NBEA: variants seen among roughly 807,000 people sequenced by gnomAD.
NBEA encodes lysosomal-trafficking regulator 2.
NBEA carries 44 observed loss-of-function variants against 343.4 expected under a neutral mutation model. The ratio of observed to expected loss-of-function variants is 0.13; its 90% CI spans 0.10 to 0.16. NBEA has a LOEUF of 0.16. Ranked by LOEUF, NBEA falls within the 10% of genes least tolerant of loss-of-function variation. NBEA has a pLI of 1.00. For missense variants in NBEA, 2,555 were observed against 3,631.3 expected, an observed-to-expected ratio of 0.70 and a Z score of 7.62; for synonymous variants, 1,175 against 1,238.7, an observed-to-expected ratio of 0.95 and a Z score of 1.08.
intron 23 of NBEA, among the ~76,000 whole-genome samples, chr13:35,162,638 C>T (rs117750111): frequency 0.03 from 4,485 of 151,830 alleles, 75 homozygotes; most frequent in South Asian, 0.055. Flanking sequence ...AAAGGAAGCC[C>T]GTCAAGAAAT....
intron 49 of NBEA, among the ~76,000 whole-genome samples, chr13:35,643,037 T>A (rs1354845683): frequency 6.6e-6 from 1 of 151,934 alleles, no homozygotes; most frequent in Non-Finnish European, 1.5e-5. Context: ...AGAATTTTTT[T>A]AATGACATTT....
intron 40 of NBEA, among the ~76,000 whole-genome samples, chr13:35,463,298 G>T (rs1056276554): frequency 6.6e-6 from 1 of 152,160 alleles, no homozygotes; most frequent in Admixed American, 6.5e-5. Context: ...AAACTCTATA[G>T]TTAAATATGT....
intron 54 of NBEA, 112 bp downstream of exon 54, chr13:35,655,122 T>G (rs558732461): frequency 2.5e-6 from 2 of 796,084 alleles, no homozygotes; most frequent in East Asian, 3.3e-5. Flanking sequence ...CCAACTTGAG[T>G]AGTCAAGATT....
chr13:35,664,092 C>A (rs549614796), intron 55 of NBEA, among the ~76,000 whole-genome samples: 2 of 152,300 alleles, frequency 1.3e-5, no homozygotes, highest in Admixed American at 1.3e-4. Flanking sequence ...CATGAACTCT[C>A]TGTGGCTTCC....
rs576106420 is a variant in NBEA at position 35,489,086 on chromosome 13, T to C, written c.6585+16550T>C. 2.6e-5 allele frequency among the ~76,000 whole-genome samples: 4 copies of C among 151,988 alleles called. No homozygotes were observed. The South Asian group carries it at 8.3e-4, about 31-fold the overall frequency. On this transcript the variant is annotated intron_variant, in intron 41 of 58. Coordinates refer to ENST00000379939, the MANE Select transcript of NBEA (RefSeq NM_001385012.1). ...CGCATGTTTTTATTTGCCAAGTTTT[T>C]TTTTTAATGAGGATGTTTCATTACT...
chr13:35,295,453 G>A (rs1028704733), intron 35 of NBEA, among the ~76,000 whole-genome samples: 1 of 152,050 alleles, frequency 6.6e-6, no homozygotes, highest in African/African-American at 2.4e-5. Flanking sequence ...CCAAGTTAAA[G>A]GGGTCAAATT....
chr13:35,638,529 C>T (rs1427351023), intron 49 of NBEA, among the ~76,000 whole-genome samples: 2 of 152,156 alleles, frequency 1.3e-5, no homozygotes, highest in Admixed American at 6.5e-5. Context: ...CTGTCATTGG[C>T]TGAACCCACT....
At chr13:35,342,815 A>G (rs1424835953) in intron 36 of NBEA, among the ~76,000 whole-genome samples, 1 of 152,030 alleles carries the variant, frequency 6.6e-6, no homozygotes, top group Non-Finnish European at 1.5e-5. Flanking sequence ...AATTAAAACT[A>G]AAGTTTCTAT....
rs2084787555 is a variant in NBEA, at chr13:35,655,827, G to T, written c.8362+78G>T. ...TTTTGCCTTTTTGATTTTCCTAATA[G>T]TTTTTTCCTGAGGTGTAAGGATTTT... is the stretch of plus-strand genomic sequence containing the variant. On this transcript the variant is annotated intron_variant, in intron 55 of 58. Coordinates refer to ENST00000379939, the MANE Select transcript of NBEA (RefSeq NM_001385012.1). The T allele has an allele frequency of 2.2e-6, 3 of 1,352,578 alleles. No individual in the cohort carries two copies. In the South Asian group the frequency reaches 4.3e-5, roughly 19 times the overall value. The allele number at this position is 1,352,578 out of a possible 1,614,324, so 83.8% of individuals were successfully genotyped here.
Position 35,586,723 on chromosome 13 carries a change from C to T in NBEA, c.7176+2685C>T, listed in dbSNP as rs1165485134. ...GAGAATATTAGATTTATGTCATTGC[C>T]TATTTATCTCTATAAAGCAATCAGA... On this transcript the variant is annotated intron_variant, in intron 46 of 58. Coordinates refer to ENST00000379939, the MANE Select transcript of NBEA (RefSeq NM_001385012.1). Among the ~76,000 whole-genome samples, 5 of 151,946 alleles carry T rather than the reference C, an allele frequency of 3.3e-5. No homozygotes were observed. The East Asian group carries it at 9.6e-4, about 29-fold the overall frequency.
intron 38 of NBEA, 108 bp from the exon 39 acceptor site, chr13:35,432,156 ATTATC>A: frequency 1.2e-6 from 1 of 805,998 alleles, no homozygotes; most frequent in East Asian, 3.1e-5. Flanking sequence ...TATCTCCAAA[ATTATC>A]TTAATTTTTC....
intron 1 of NBEA, among the ~76,000 whole-genome samples, chr13:34,964,415 G>T (rs117053514): frequency 1.3e-5 from 2 of 150,484 alleles, no homozygotes; most frequent in East Asian, 2.0e-4. Context: ...TCTTTCTAGT[G>T]ACATTTTATT....
chr13:34,948,057 A>AATGC (rs1281062639), intron 1 of NBEA, among the ~76,000 whole-genome samples: 1 of 152,248 alleles, frequency 6.6e-6, no homozygotes, highest in Admixed American at 6.5e-5. Flanking sequence ...GAAAATACGT[A>AATGC]ATGCATTGAA....
chr13:35,322,306 G>A (rs796202820), intron 36 of NBEA, among the ~76,000 whole-genome samples: 29 of 152,270 alleles, frequency 1.9e-4, no homozygotes, highest in African/African-American at 5.8e-4. Context: ...GGAGTCCACC[G>A]TTCCCCATGG....
chr13:35,520,832 A>G (rs749799755), intron 41 of NBEA, among the ~76,000 whole-genome samples: 10 of 152,296 alleles, frequency 6.6e-5, no homozygotes, highest in Non-Finnish European at 1.3e-4. Flanking sequence ...AAGTCTTTAT[A>G]TCACTTCATT....
intron 41 of NBEA, among the ~76,000 whole-genome samples, chr13:35,513,993 A>G (rs1057412188): frequency 2.6e-5 from 4 of 152,150 alleles, no homozygotes; most frequent in Non-Finnish European, 4.4e-5. Flanking sequence ...AATAAAATTA[A>G]TATACATTTT....
At chr13:35,078,570 G>A (rs1271517207) in intron 10 of NBEA, among the ~76,000 whole-genome samples, 1 of 152,122 alleles carries the variant, frequency 6.6e-6, no homozygotes, top group Non-Finnish European at 1.5e-5. Context: ...TTCAATGAGG[G>A]GATTTGGTTG....
At chr13:35,291,527 G>A (rs2035800432) in intron 35 of NBEA, among the ~76,000 whole-genome samples, 1 of 151,878 alleles carries the variant, frequency 6.6e-6, no homozygotes, top group Non-Finnish European at 1.5e-5. Flanking sequence ...CCTGTGAGGA[G>A]GTCGTCTGCA....
intron 36 of NBEA, among the ~76,000 whole-genome samples, chr13:35,321,458 C>T (rs997607612): frequency 4.6e-5 from 7 of 152,164 alleles, no homozygotes; most frequent in African/African-American, 1.7e-4. Context: ...CTGTTCCTTC[C>T]TCTGGAAGCT....
Sources: gnomAD v4.1 joint callset for allele counts (sites outside exome capture counted in the v4.1 genomes callset) on GRCh38, gnomAD v4.1.1 for gene constraint, MANE v1.5 for transcripts, NCBI Gene and HGNC (gene_info 2026-07-23, HGNC 2026-07-21) for gene names.